Variants in TEX55 observed in about 807,000 individuals in gnomAD.
The protein encoded by TEX55 is testis-specific expressed protein 55.
Under a neutral mutation model 44.6 loss-of-function variants are expected in TEX55, and 31 were observed. The ratio of observed to expected loss-of-function variants is 0.69; its 90% CI spans 0.52 to 0.94. The LOEUF (loss-of-function observed/expected upper bound fraction) is 0.94, where lower values mean the gene tolerates loss of function less well. Ranked by LOEUF, TEX55 falls within the 40% of genes least tolerant of loss-of-function variation. TEX55 has a pLI of 0.00. For synonymous variants in TEX55, 230 were observed against 230.9 expected, an observed-to-expected ratio of 1.00 and a Z score of 0.04; for missense variants, 639 against 638.4, an observed-to-expected ratio of 1.00 and a Z score of -0.01.
chr3:119,148,226 A>G lies in TEX55; in HGVS notation c.1445A>G (p.Asn482Ser). 1 of 1,611,894 alleles carries G rather than the reference A, an allele frequency of 6.2e-7. No homozygotes were observed. Among genetic ancestry groups the G allele is most frequent in the Non-Finnish European group, 8.5e-7 (1 of 1,179,058 alleles). The change falls in exon 2 of 3, where the codon AAT (asparagine) becomes AGT (serine). Residue 482 changes from asparagine (N) to serine (S), a missense_variant. Coordinates refer to ENST00000295622, the MANE Select transcript of TEX55 (RefSeq NM_152539.3). ...IDQGKGYHIR[N>S]QTYRRFPSIV... is the part of the protein sequence containing the mutation. ...CAAGGAAAGGGTTATCATATACGCA[A>G]TCAAACTTATAGAAGGTTCCCTTCT... is the stretch of plus-strand genomic sequence containing the variant.
At position 119,146,521 on chromosome 3, in the gene TEX55, C is replaced by G; in HGVS notation, c.332C>G (p.Ser111Cys). Residue 111 changes from serine (S) to cysteine (C), a missense_variant, in exon 1 of 3, where the codon TCT (serine) becomes TGT (cysteine). Physicochemically the swap from Ser to Cys is moderately radical, Grantham distance 112. Transcript: ENST00000295622. The stretch of plus-strand genomic sequence containing the variant: ...GATGATCAGGTTAATCAAACACCGT[C>G]TGAACAGACTAAAGGCAAGGCATCT... ...RADDQVNQTP[S>C]EQTKGKASSQ... 6.2e-7 allele frequency: 1 copy of G among 1,613,984 alleles called. No homozygotes were observed. Among genetic ancestry groups the G allele is most frequent in the Non-Finnish European group, 8.5e-7 (1 of 1,180,046 alleles).
Position 119,147,017 on chromosome 3 carries a change from C to T in TEX55, c.828C>T (p.Tyr276=). 2 of 1,614,210 alleles carry T rather than the reference C, an allele frequency of 1.2e-6. No homozygotes were observed. Among genetic ancestry groups the T allele is most frequent in the Non-Finnish European group, 8.5e-7 (1 of 1,180,036 alleles). Residue 276 remains tyrosine, a synonymous_variant, in exon 1 of 3, where the codon TAC becomes TAT. Coordinates refer to ENST00000295622, the MANE Select transcript of TEX55 (RefSeq NM_152539.3). Reference sequence around the variant, plus strand: ...GAAGAAGTTCTGAGAAGACTGACTACAGATTGGCTGGCCTGGCTGACCCAG... The same window carrying T: ...GAAGAAGTTCTGAGAAGACTGACTATAGATTGGCTGGCCTGGCTGACCCAG... The part of the protein sequence containing the change: ...VRRRSSEKTD[Y]RLAGLADPGT...
rs2077740329 is a variant in TEX55 at position 119,147,594 on chromosome 3, T to C, written c.1398+7T>C. 6.2e-7 allele frequency: 1 copy of C among 1,607,146 alleles called. No individual in the cohort carries two copies. Among genetic ancestry groups the C allele is most frequent in the Non-Finnish European group, 8.5e-7 (1 of 1,176,394 alleles). ...AGCCATAGTAACCAAATCTGTAAGT[T>C]AAATGGGCATTTGATACCTACCTGG... On this transcript the variant is annotated splice_region_variant and intron_variant, in intron 1 of 2. Coordinates refer to ENST00000295622, the MANE Select transcript of TEX55 (RefSeq NM_152539.3).
Position 119,147,178 on chromosome 3 carries a change from C to A in TEX55, c.989C>A (p.Ala330Asp), listed in dbSNP as rs372062184. ...GCTATTGACCAAGCTCATAGTAATG[C>A]TGATCAACCTCCAGTTGACAATGCT... ...HQAIDQAHSN[A>D]DQPPVDNAHY... Residue 330 changes from alanine to aspartate, a missense_variant, in exon 1 of 3, where the codon GCT becomes GAT. Physicochemically the swap from Ala to Asp is moderately radical, Grantham distance 126 (BLOSUM62 -2). Transcript: ENST00000295622. 1 of 1,614,178 alleles carries A rather than the reference C, an allele frequency of 6.2e-7. No individual in the cohort carries two copies. The highest frequency in any genetic ancestry group is 1.1e-5 in the South Asian group (1 of 91,080).
rs537256418 is a variant in TEX55 at position 119,148,317 on chromosome 3, A to G, written c.1536A>G (p.Ile512Met). Residue 512 changes from isoleucine to methionine, a missense_variant, in exon 2 of 3, where the codon ATA (isoleucine) becomes ATG (methionine). Transcript: ENST00000295622. ...TGGAAAAACACCACATTCTGCAAAT[A>G]TTCCAGGTAAACCTCTCAATTCCTC... ...QYMEKHHILQ[I>M]FQQITENLVY... 6.2e-7 allele frequency: 1 copy of G among 1,610,748 alleles called. No homozygotes were observed. Among genetic ancestry groups the G allele is most frequent in the African/African-American group, 1.3e-5 (1 of 74,942 alleles).
At chr3:119,147,868 ACT>A (rs967387091) in intron 1 of TEX55, among the ~76,000 whole-genome samples, 49 of 152,274 alleles carry the variant, frequency 3.2e-4, no homozygotes, top group African/African-American at 1.2e-3. Context: ...TCTGCAACTA[ACT>A]CTGTGATATT....
chr3:119,146,245 C>A lies in TEX55; in HGVS notation c.56C>A (p.Ala19Asp). ...LAEPLKHESP[A>D]APSSAGHTKG... ...GAACCCTTGAAACATGAAAGCCCAG[C>A]CGCTCCCTCAAGTGCTGGCCACACT... The change falls in exon 1 of 3, where the codon GCC (alanine) becomes GAC (aspartate). Residue 19 changes from alanine (A) to aspartate (D), a missense_variant. Ala to Asp is a moderately radical substitution (Grantham distance 126). Coordinates refer to ENST00000295622, the MANE Select transcript of TEX55 (RefSeq NM_152539.3). The A allele has an allele frequency of 1.2e-6, 2 of 1,613,788 alleles. No individual in the cohort carries two copies. The highest frequency in any genetic ancestry group is 1.7e-6 in the Non-Finnish European group (2 of 1,179,894).
chr3:119,147,202 C>T lies in TEX55; in HGVS notation c.1013C>T (p.Ala338Val), dbSNP rs764274603. 2 of 1,614,180 alleles carry T rather than the reference C, an allele frequency of 1.2e-6. No individual in the cohort carries two copies. The highest frequency in any genetic ancestry group is 2.2e-5 in the South Asian group (2 of 91,082). ...GCTGATCAACCTCCAGTTGACAATG[C>T]TCACTACACTGAATCTGACCAGACT... ...SNADQPPVDN[A>V]HYTESDQTDH... is the part of the protein sequence containing the mutation. Residue 338 changes from alanine (A) to valine (V), a missense_variant, in exon 1 of 3, where the codon GCT becomes GTT. Physicochemically the swap from Ala to Val is moderately conservative, Grantham distance 64. Transcript: ENST00000295622.
Position 119,146,454 on chromosome 3 carries a change from C to T in TEX55, c.265C>T (p.Arg89Cys), listed in dbSNP as rs1366349309. Residue 89 changes from arginine (R) to cysteine (C), a missense_variant, in exon 1 of 3, where the codon CGC becomes TGC. Physicochemically the swap from Arg to Cys is radical, Grantham distance 180. Coordinates refer to ENST00000295622, the MANE Select transcript of TEX55 (RefSeq NM_152539.3). The stretch of plus-strand genomic sequence containing the variant: ...GCATAGTACACCTGGTCAGGCTGGC[C>T]GCAGAGCATCCAACCCTGCTGATGT... ...NGHSTPGQAG[R>C]RASNPADVSD... is the part of the protein sequence containing the mutation. 1.2e-6 allele frequency: 2 copies of T among 1,613,950 alleles called. No homozygotes were observed. Among genetic ancestry groups the T allele is most frequent in the Middle Eastern group, 1.6e-4 (1 of 6,084 alleles).
At chr3:119,147,632 C>A in intron 1 of TEX55, 45 bp downstream of exon 1, 1 of 1,519,400 alleles carries the variant, frequency 6.6e-7, no homozygotes, top group Non-Finnish European at 9.0e-7. Flanking sequence ...GATCAGAGAT[C>A]TAGACGGGGC....
At chr3:119,151,198 G>A (rs373727962) in intron 2 of TEX55, 26 bp from the exon 3 acceptor site, 5 of 1,469,250 alleles carry the variant, frequency 3.4e-6, no homozygotes, top group East Asian at 2.3e-5. Flanking sequence ...GAACCATAAT[G>A]TGATGCCTTA....
chr3:119,150,566 A>G (rs2077772805), intron 2 of TEX55, among the ~76,000 whole-genome samples: 1 of 152,114 alleles, frequency 6.6e-6, no homozygotes, highest in Non-Finnish European at 1.5e-5. Flanking sequence ...AAGTGAATCT[A>G]AAGTTTTATA....
Position 119,151,349 on chromosome 3 carries a change from A to AC in TEX55, c.*58dup. 1 of 1,434,610 alleles carries AC rather than the reference A, an allele frequency of 7.0e-7. No homozygotes were observed. The highest frequency in any genetic ancestry group is 9.8e-7 in the Non-Finnish European group (1 of 1,021,296). 88.9% of individuals were successfully genotyped at this position (1,434,610 alleles called of 1,614,324 possible). A position where few individuals can be genotyped will look rare whatever the true frequency, so the allele number is the denominator to read the frequency against. On this transcript the variant is annotated 3_prime_UTR_variant, in exon 3 of 3. Coordinates refer to ENST00000295622, the MANE Select transcript of TEX55 (RefSeq NM_152539.3). ...CTTTATTGTAAAATACAGCACACAT[A>AC]CAGCAAAGTGTATAGAACAAAGTAC...
At position 119,147,349 on chromosome 3, in the gene TEX55, A is replaced by G; in HGVS notation, c.1160A>G (p.Asp387Gly). ...LGNSKEDKEA[D>G]YRVQPCKFED... ...AACAGCAAAGAGGACAAAGAGGCTGACTACAGAGTACAACCCTGCAAATTT... is the reference window on the plus strand; with the variant it reads ...AACAGCAAAGAGGACAAAGAGGCTGGCTACAGAGTACAACCCTGCAAATTT... The change falls in exon 1 of 3, where the codon GAC becomes GGC. Residue 387 changes from aspartate to glycine, a missense_variant. Coordinates refer to ENST00000295622, the MANE Select transcript of TEX55 (RefSeq NM_152539.3). 1 of 1,614,222 alleles carries G rather than the reference A, an allele frequency of 6.2e-7. No homozygotes were observed. The highest frequency in any genetic ancestry group is 8.5e-7 in the Non-Finnish European group (1 of 1,180,036).
Position 119,151,263 on chromosome 3 carries a change from C to A in TEX55, c.1582C>A (p.Pro528Thr). 1 of 1,613,090 alleles carries A rather than the reference C, an allele frequency of 6.2e-7. No homozygotes were observed. The highest frequency in any genetic ancestry group is 2.2e-5 in the East Asian group (1 of 44,856). The change falls in exon 3 of 3, where the codon CCC becomes ACC. Residue 528 changes from proline (P) to threonine (T), a missense_variant. Coordinates refer to ENST00000295622, the MANE Select transcript of TEX55 (RefSeq NM_152539.3). ...ENLVYEKPED[P>T]LNFMLCQV ...CTTAGTCTATGAAAAGCCAGAGGACCCCCTGAATTTTATGCTGTGCCAGGT... is the reference window on the plus strand; with the variant it reads ...CTTAGTCTATGAAAAGCCAGAGGACACCCTGAATTTTATGCTGTGCCAGGT...
intron 2 of TEX55, among the ~76,000 whole-genome samples, chr3:119,148,583 A>C (rs2077752752): frequency 6.6e-6 from 1 of 152,164 alleles, no homozygotes; most frequent in African/African-American, 2.4e-5. Context: ...GGAAGGACAA[A>C]ATATTATCAA....
chr3:119,151,167 C>G (rs1000892004), intron 2 of TEX55, 57 bp from the exon 3 acceptor site: 2 of 1,091,686 alleles, frequency 1.8e-6, no homozygotes, highest in African/African-American at 3.6e-5. Flanking sequence ...CAAATATAAC[C>G]TGACCACATA....
chr3:119,147,567 C>T lies in TEX55; in HGVS notation c.1378C>T (p.Gln460Ter). The change falls in exon 1 of 3, where the codon CAA becomes TAA. Residue 460 changes from glutamine to a stop codon, truncating the protein, a stop_gained. Transcript: ENST00000295622. LOFTEE classifies it high-confidence loss of function. ...CTATACCAGCAGTCAAGAAAAAACTCAAGCCATAGTAACCAAATCTGTAAG... is the reference window on the plus strand; with the variant it reads ...CTATACCAGCAGTCAAGAAAAAACTTAAGCCATAGTAACCAAATCTGTAAG... ...LNYTSSQEKT[Q>*]AIVTKSDEFS... 6.2e-7 allele frequency: 1 copy of T among 1,606,200 alleles called. No individual in the cohort carries two copies. The highest frequency in any genetic ancestry group is 2.3e-5 in the East Asian group (1 of 44,308).
rs2077777575 is a variant in TEX55 at position 119,151,159 on chromosome 3, A to G, written c.1543-65A>G. The G allele has an allele frequency of 2.9e-6, 3 of 1,043,966 alleles. No homozygotes were observed. The South Asian group carries it at 3.9e-5, about 13-fold the overall frequency. The allele number at this position is 1,043,966 out of a possible 1,614,324, so 64.7% of individuals were successfully genotyped here. A position where few individuals can be genotyped will look rare whatever the true frequency, so the allele number is the denominator to read the frequency against. ...TAGGTTAGTGGGAAAGATAGCATCA[A>G]ATATAACCTGACCACATAATTTTGC... On this transcript the variant is annotated intron_variant, in intron 2 of 2. Coordinates refer to ENST00000295622, the MANE Select transcript of TEX55 (RefSeq NM_152539.3).
Sources: gnomAD v4.1 joint callset for allele counts (sites outside exome capture counted in the v4.1 genomes callset) on GRCh38, gnomAD v4.1.1 for gene constraint, MANE v1.5 for transcripts, NCBI Gene and HGNC (gene_info 2026-07-23, HGNC 2026-07-21) for gene names.